The following ATRN variants were observed in gnomAD, a reference collection of about 807,000 sequenced individuals.
ATRN encodes attractin-2.
A neutral mutation model predicts 178.7 loss-of-function variants in ATRN; 54 were observed. The observed-to-expected ratio is 0.30, with a 90% CI of 0.24 to 0.38. The LOEUF (loss-of-function observed/expected upper bound fraction) is 0.38. Among genes scored for constraint, ATRN ranks in the 10% least tolerant of loss-of-function variants. The pLI is 1.00. For missense variants in ATRN, 1,443 were observed against 1,815.1 expected (o/e 0.79, Z 3.73); for synonymous variants, 636 against 663.0 (o/e 0.96, Z 0.63).
intron 1 of ATRN, 62 bp downstream of exon 1, chr20:3,471,579 G>A: frequency 3.7e-6 from 5 of 1,361,842 alleles, no homozygotes; most frequent in African/African-American, 1.5e-5. Context: ...AGGGGCGTTC[G>A]AGACGGCTCC....
intron 1 of ATRN, among the ~76,000 whole-genome samples, chr20:3,502,116 C>T (rs1162388789): frequency 2.0e-5 from 3 of 151,892 alleles, no homozygotes; most frequent in African/African-American, 7.3e-5. Context: ...ATTATAATTA[C>T]TATGTATAAT....
chr20:3,533,247 A>G (rs1218600158), intron 1 of ATRN, among the ~76,000 whole-genome samples: 1 of 152,214 alleles, frequency 6.6e-6, no homozygotes. Flanking sequence ...AGAATAAGAA[A>G]ATATTTCCTG....
At chr20:3,605,975 CAG>C (rs1190882579) in intron 24 of ATRN, among the ~76,000 whole-genome samples, 3 of 152,170 alleles carry the variant, frequency 2.0e-5, no homozygotes, top group Admixed American at 2.0e-4. Flanking sequence ...GACTAAAGAA[CAG>C]TTGATCTTTC....
At chr20:3,471,862 G>A (rs2084431786) in intron 1 of ATRN, among the ~76,000 whole-genome samples, 2 of 152,226 alleles carry the variant, frequency 1.3e-5, no homozygotes, top group Non-Finnish European at 2.9e-5. Flanking sequence ...CCAAGGAAAG[G>A]TGGTCGAGCC....
At position 3,638,780 on chromosome 20, in the gene ATRN, C is replaced by G. The variant is rs1390388316; in HGVS notation, c.3943-48C>G. ...TAACATGTAGCATTAACTAATAAAA[C>G]CCCTTCAGTACTCATTCCATTAATG... is the stretch of plus-strand genomic sequence containing the variant. On this transcript the variant is annotated intron_variant, in intron 26 of 28. Coordinates refer to ENST00000262919, the MANE Select transcript of ATRN (RefSeq NM_139321.3). The surrounding 1 kb of genome is among the most constrained non-coding windows in gnomAD (Gnocchi z 4.5). The G allele has an allele frequency of 2.0e-6, 3 of 1,527,182 alleles. No individual in the cohort carries two copies. The highest frequency in any genetic ancestry group is 2.7e-6 in the Non-Finnish European group (3 of 1,104,914). The allele number at this position is 1,527,182 out of a possible 1,614,324, so 94.6% of individuals were successfully genotyped here. A position where few individuals can be genotyped will look rare whatever the true frequency, so the allele number is the denominator to read the frequency against.
At chr20:3,490,904 A>G in intron 1 of ATRN, 1 of 1,156,650 alleles carries the variant, frequency 8.6e-7, no homozygotes, top group East Asian at 2.3e-5. Flanking sequence ...GGTGATCAGA[A>G]TTGAGCGTGG....
chr20:3,540,439 CATTT>C (rs1462583866), intron 3 of ATRN, 104 bp downstream of exon 3: 2 of 707,064 alleles, frequency 2.8e-6, no homozygotes, highest in Non-Finnish European at 4.8e-6. Context: ...TCACTTAACA[CATTT>C]ATTTAATGGA....
At chr20:3,592,760 C>G (rs189652734) in intron 19 of ATRN, among the ~76,000 whole-genome samples, 6 of 152,252 alleles carry the variant, frequency 3.9e-5, no homozygotes, top group Non-Finnish European at 8.8e-5. Flanking sequence ...CAGTTTCCTC[C>G]TAATAATAGG....
At chr20:3,568,351 A>C (rs2086068263) in intron 11 of ATRN, among the ~76,000 whole-genome samples, 1 of 150,872 alleles carries the variant, frequency 6.6e-6, no homozygotes, top group Non-Finnish European at 1.5e-5. Context: ...ATCTACCAGT[A>C]AATATTTCAG....
chr20:3,541,896 C>T (rs539077412), intron 3 of ATRN, among the ~76,000 whole-genome samples: 3 of 152,330 alleles, frequency 2.0e-5, no homozygotes, highest in East Asian at 1.9e-4. Flanking sequence ...ACATGGGGCT[C>T]ATCTGGCTGA....
chr20:3,559,567 A>T lies in ATRN; in HGVS notation c.1203+84A>T. On this transcript the variant is annotated intron_variant, in intron 7 of 28. Coordinates refer to ENST00000262919, the MANE Select transcript of ATRN (RefSeq NM_139321.3). The stretch of plus-strand genomic sequence containing the variant: ...TATTACATAGTTGAAAAGCTACCTC[A>T]GTGTTGGTTTTTAATTGGGGAAAAC... The T allele has an allele frequency of 5.2e-6, 6 of 1,154,480 alleles. No homozygotes were observed. The South Asian group carries it at 8.2e-5, about 16-fold the overall frequency. The allele number at this position is 1,154,480 out of a possible 1,614,324, so 71.5% of individuals were successfully genotyped here. A position where few individuals can be genotyped will look rare whatever the true frequency, so the allele number is the denominator to read the frequency against.
rs2084766407 is a variant in ATRN, at chr20:3,490,159, T to C, written c.410+18642T>C. On this transcript the variant is annotated intron_variant, in intron 1 of 28. Coordinates refer to ENST00000262919, the MANE Select transcript of ATRN (RefSeq NM_139321.3). Reference sequence around the variant, plus strand: ...AGTGACTCCAGGGACTTTCCTTTGGTACTGAATAGTCTCTGGGCTTGCTCT... The same window carrying C: ...AGTGACTCCAGGGACTTTCCTTTGGCACTGAATAGTCTCTGGGCTTGCTCT... 8 of 1,499,222 alleles carry C rather than the reference T, an allele frequency of 5.3e-6. No homozygotes were observed. In the East Asian group the frequency reaches 1.6e-4, roughly 30 times the overall value. 92.9% of individuals were successfully genotyped at this position (1,499,222 alleles called of 1,614,324 possible). A position where few individuals can be genotyped will look rare whatever the true frequency, so the allele number is the denominator to read the frequency against.
At chr20:3,591,112 C>CTTAA in intron 18 of ATRN, 57 bp from the exon 19 acceptor site, 14 of 1,465,904 alleles carry the variant, frequency 9.6e-6, no homozygotes, top group Non-Finnish European at 3.7e-6. Context: ...TCTTATTGAA[C>CTTAA]TTAACTACAT....
Position 3,638,945 on chromosome 20 carries a change from TGACTCAGAA to T in ATRN, c.4050+12_4050+20del. ...TGGGGGGAGTATAAAGGTGAGAATG[TGACTCAGAA>T]GTCCCTATAACTTGACTTTTTAAAA... is the stretch of plus-strand genomic sequence containing the variant. On this transcript the variant is annotated intron_variant, in intron 27 of 28. Transcript: ENST00000262919. This position sits in a 1 kb window ranked among gnomAD's most constrained non-coding sequence, Gnocchi z 4.5. The T allele has an allele frequency of 3.1e-6, 5 of 1,609,398 alleles. No homozygotes were observed. Among genetic ancestry groups the T allele is most frequent in the Non-Finnish European group, 8.5e-7 (1 of 1,176,644 alleles).
chr20:3,606,098 C>A (rs1024773102), intron 24 of ATRN, among the ~76,000 whole-genome samples: 7 of 152,098 alleles, frequency 4.6e-5, no homozygotes, highest in African/African-American at 1.7e-4. Flanking sequence ...TCAGCTTCTC[C>A]CTTTGCCCTC....
intron 23 of ATRN, among the ~76,000 whole-genome samples, chr20:3,602,227 G>A (rs1292934366): frequency 6.6e-6 from 1 of 152,052 alleles, no homozygotes; most frequent in Non-Finnish European, 1.5e-5. Flanking sequence ...CTACTCAGGA[G>A]GCTGAGGTAG....
At chr20:3,626,998 G>C (rs1049745166) in intron 25 of ATRN, among the ~76,000 whole-genome samples, 1 of 151,934 alleles carries the variant, frequency 6.6e-6, no homozygotes, top group African/African-American at 2.4e-5. Flanking sequence ...GGTTGGCCAG[G>C]CTGGTCTCGA....
At chr20:3,589,760 G>A (rs1037469074) in intron 18 of ATRN, among the ~76,000 whole-genome samples, 11 of 152,196 alleles carry the variant, frequency 7.2e-5, no homozygotes, top group African/African-American at 2.6e-4. Flanking sequence ...CTCCAGCTCT[G>A]GTCCACTTCG....
chr20:3,641,877 T>C (rs1429386813), intron 27 of ATRN, among the ~76,000 whole-genome samples: 1 of 152,146 alleles, frequency 6.6e-6, no homozygotes, highest in African/African-American at 2.4e-5. Flanking sequence ...CCCAGGAGGA[T>C]AGACTAAAGT....
Sources: gnomAD v4.1 joint callset for allele counts (sites outside exome capture counted in the v4.1 genomes callset) on GRCh38, gnomAD v4.1.1 for gene constraint, Gnocchi (gnomAD v3.1) non-coding constraint, MANE v1.5 for transcripts, NCBI Gene and HGNC (gene_info 2026-07-23, HGNC 2026-07-21) for gene names.